The following ADCY2 variants were observed in gnomAD, a reference collection of about 807,000 sequenced individuals.
ADCY2 encodes the protein adenylate cyclase 2.
ADCY2 carries 31 observed loss-of-function variants against 125.2 expected under a neutral mutation model. That is an observed-to-expected ratio of 0.25 (90% CI 0.19 to 0.33). ADCY2 has a LOEUF of 0.33. Among genes scored for constraint, ADCY2 ranks in the 10% least tolerant of loss-of-function variants. ADCY2 has a pLI of 1.00. For synonymous variants in ADCY2, 512 were observed against 548.4 expected (o/e 0.93, Z 0.93); for missense variants, 904 against 1,418.2 (o/e 0.64, Z 5.82).
At chr5:7,501,646 T>TTCCCCCCCCCCCCC (rs1743584514) in intron 2 of ADCY2, among the ~76,000 whole-genome samples, 1 of 40,526 alleles carries the variant, frequency 2.5e-5, no homozygotes, top group Non-Finnish European at 4.3e-5. Context: ...GATTCCCCCC[T>TTCCCCCCCCCCCCC]CCCCCCCCCC....
At chr5:7,668,941 C>T (rs2914300) in intron 4 of ADCY2, among the ~76,000 whole-genome samples, 33,258 of 152,126 alleles carry the variant, frequency 0.22, 4,118 homozygotes, top group Admixed American at 0.35. Context: ...GCCTGGAATC[C>T]ATGTCTACTC....
At chr5:7,507,237 C>T (rs1472784795) in intron 2 of ADCY2, among the ~76,000 whole-genome samples, 2 of 146,262 alleles carry the variant, frequency 1.4e-5, no homozygotes, top group South Asian at 2.2e-4. Flanking sequence ...GTCAGGAGAT[C>T]GAGACCATCC....
chr5:7,732,532 ATC>A (rs1742134684), intron 14 of ADCY2, among the ~76,000 whole-genome samples: 1 of 152,190 alleles, frequency 6.6e-6, no homozygotes, highest in Non-Finnish European at 1.5e-5. Flanking sequence ...TGTACCAGGA[ATC>A]TCTCTTTCTT....
intron 3 of ADCY2, among the ~76,000 whole-genome samples, chr5:7,524,521 A>G (rs1734376351): frequency 6.6e-6 from 1 of 152,228 alleles, no homozygotes; most frequent in South Asian, 2.1e-4. Flanking sequence ...GAAGCATGGC[A>G]TGACACATGG....
At chr5:7,777,544 G>A (rs1743771564) in intron 18 of ADCY2, among the ~76,000 whole-genome samples, 1 of 152,180 alleles carries the variant, frequency 6.6e-6, no homozygotes, top group Non-Finnish European at 1.5e-5. Context: ...ATCCACATCA[G>A]GTTCTGTTTA....
rs143099010 is a variant in ADCY2 at position 7,441,206 on chromosome 5, T to C, written c.408+26436T>C. Among the ~76,000 whole-genome samples, 482 of 152,264 alleles carry C rather than the reference T, an allele frequency of 3.2e-3. 1 individual carries two copies. Among genetic ancestry groups the C allele is most frequent in the African/African-American group, 0.011 (458 of 41,554 alleles). The stretch of plus-strand genomic sequence containing the variant: ...GGTTTGGAGTTGAGGCGTCCAGCAA[T>C]GTCTGGTCAGCTGTCCACTGAGAGT... On this transcript the variant is annotated intron_variant, in intron 2 of 24. Coordinates refer to ENST00000338316, the MANE Select transcript of ADCY2 (RefSeq NM_020546.3).
At chr5:7,739,939 A>G (rs990415783) in intron 14 of ADCY2, among the ~76,000 whole-genome samples, 2 of 152,046 alleles carry the variant, frequency 1.3e-5, no homozygotes, top group Non-Finnish European at 2.9e-5. Flanking sequence ...AGGAAACTTC[A>G]TACCCAGATT....
At position 7,712,330 on chromosome 5, in the gene ADCY2, A is replaced by G. The variant is rs150559749; in HGVS notation, c.1579-526A>G. The stretch of plus-strand genomic sequence containing the variant: ...TCTTCCATTTCTCTTGGGAACTACC[A>G]GCGCTCCTTTGCCGATTTCTTCATT... On this transcript the variant is annotated intron_variant, in intron 10 of 24. Transcript: ENST00000338316. Among the ~76,000 whole-genome samples the G allele has an allele frequency of 3.3e-5, 5 of 152,278 alleles. No individual in the cohort carries two copies. In the East Asian group the frequency reaches 9.6e-4, roughly 29 times the overall value.
chr5:7,589,506 G>GAAAGAAAGAAAGAAAAGAAAAGAAAAGA (rs530283052), intron 3 of ADCY2, among the ~76,000 whole-genome samples: 7 of 93,894 alleles, frequency 7.5e-5, no homozygotes, highest in African/African-American at 2.5e-4. Flanking sequence ...AAGAAAGAAA[G>GAAAGAAAGAAAGAAAAGAAAAGAAAAGA]AAAGAAAAGA....
intron 2 of ADCY2, among the ~76,000 whole-genome samples, chr5:7,493,180 G>A (rs552798618): frequency 2.0e-5 from 3 of 152,198 alleles, no homozygotes; most frequent in Non-Finnish European, 4.4e-5. Context: ...TGGGAGGAAA[G>A]CCAGGAGTCA....
At chr5:7,517,869 A>G (rs1744305686) in intron 2 of ADCY2, among the ~76,000 whole-genome samples, 1 of 152,230 alleles carries the variant, frequency 6.6e-6, no homozygotes, top group African/African-American at 2.4e-5. Context: ...TTTTAAAGAA[A>G]TGCTAAAGGT....
At chr5:7,570,474 C>T (rs1736033089) in intron 3 of ADCY2, among the ~76,000 whole-genome samples, 2 of 151,944 alleles carry the variant, frequency 1.3e-5, no homozygotes, top group East Asian at 3.9e-4. Flanking sequence ...TTCAGTATGA[C>T]GTGAGAAAGT....
At chr5:7,624,202 T>C (rs1738048112) in intron 3 of ADCY2, among the ~76,000 whole-genome samples, 2 of 151,862 alleles carry the variant, frequency 1.3e-5, no homozygotes, top group Admixed American at 6.5e-5. Flanking sequence ...AACATTTATT[T>C]TGTAGGACTT....
intron 2 of ADCY2, among the ~76,000 whole-genome samples, 155 bp from the exon 3 acceptor site, chr5:7,520,583 C>G (rs961749612): frequency 8.5e-5 from 13 of 152,174 alleles, no homozygotes; most frequent in Non-Finnish European, 1.8e-4. Context: ...ATCCAGTGGA[C>G]TTATTTGCAT....
chr5:7,765,930 C>T lies in ADCY2; in HGVS notation c.2095-757C>T, dbSNP rs554323463. ...TGTGCAGCTTCTGTAGGACAGACAG[C>T]GAGCGAGCGAGAGAGAGAGAGAGGA... On this transcript the variant is annotated intron_variant, in intron 16 of 24. Transcript: ENST00000338316. 1.3e-4 allele frequency among the ~76,000 whole-genome samples: 19 copies of T among 151,642 alleles called. No individual in the cohort carries two copies. In the East Asian group the frequency reaches 1.6e-3, roughly 12 times the overall value.
intron 5 of ADCY2, chr5:7,691,388 T>C (rs1019891147): frequency 6.6e-6 from 1 of 152,288 alleles, no homozygotes; most frequent in African/African-American, 2.4e-5. Flanking sequence ...TTACTGCTTT[T>C]CTGAGACTGG....
At chr5:7,419,922 T>A (rs1297629088) in intron 2 of ADCY2, among the ~76,000 whole-genome samples, 3 of 152,170 alleles carry the variant, frequency 2.0e-5, no homozygotes, top group Admixed American at 2.0e-4. Flanking sequence ...GGCACCATCC[T>A]ACCCCAGCTT....
chr5:7,758,037 C>T (rs867603273), intron 16 of ADCY2, among the ~76,000 whole-genome samples: 10 of 152,118 alleles, frequency 6.6e-5, no homozygotes, highest in East Asian at 1.9e-4. Context: ...AAGGAGAGTG[C>T]GGTGTCCTGC....
chr5:7,811,963 G>A (rs906122097), intron 22 of ADCY2, among the ~76,000 whole-genome samples: 4 of 152,212 alleles, frequency 2.6e-5, no homozygotes, highest in African/African-American at 9.7e-5. Context: ...CCAGGTACAT[G>A]CTGGTGACTG....
Sources: gnomAD v4.1 joint callset for allele counts (sites outside exome capture counted in the v4.1 genomes callset) on GRCh38, gnomAD v4.1.1 for gene constraint, MANE v1.5 for transcripts, NCBI Gene and HGNC (gene_info 2026-07-23, HGNC 2026-07-21) for gene names.